The following NISCH variants were observed in gnomAD, a reference collection of about 807,000 sequenced individuals.
NISCH encodes the protein I-1 receptor candidate protein.
In NISCH, 55 loss-of-function variants were observed where a neutral mutation model predicts 138.4. The ratio of observed to expected loss-of-function variants is 0.40; its 90% CI spans 0.32 to 0.50. The LOEUF (loss-of-function observed/expected upper bound fraction) is 0.50, where lower values mean the gene tolerates loss of function less well. Ranked by LOEUF, NISCH falls within the 20% of genes least tolerant of loss-of-function variation. The pLI, the probability that NISCH is intolerant of heterozygous loss-of-function variation, is 0.71. For synonymous variants in NISCH, 860 were observed against 861.5 expected (o/e 1.00, Z 0.03); for missense variants, 1,643 against 2,005.5 (o/e 0.82, Z 3.45).
Position 52,473,796 on chromosome 3 carries a change from G to T in NISCH, c.732G>T (p.Thr244=), listed in dbSNP as rs756262536. Residue 244 remains threonine, a synonymous_variant, in exon 7 of 21, where the codon ACG becomes ACT. Transcript: ENST00000345716. The part of the protein sequence containing the change: ...GLVASKPTLA[T]LSVRFSATSM... ...TCGCATCGAAGCCCACCTTAGCCAC[G>T]CTGAGTGTCCGCTTCTCAGCAACCT... 6 of 1,609,832 alleles carry T rather than the reference G, an allele frequency of 3.7e-6. No individual in the cohort carries two copies. The highest frequency in any genetic ancestry group is 1.7e-5 in the Admixed American group (1 of 59,946).
rs41292364 is a variant in NISCH at position 52,479,882 on chromosome 3, G to A, written c.1416+20G>A. ...AAGAAGGTGGGTTTGTGTGGCAGGT[G>A]GGAGGGCAGTGGTGCAGAGCCAGCC... On this transcript the variant is annotated intron_variant, in intron 12 of 20. Transcript: ENST00000345716. 1.3e-6 allele frequency: 2 copies of A among 1,583,772 alleles called. No homozygotes were observed. The highest frequency in any genetic ancestry group is 2.7e-5 in the African/African-American group (2 of 74,234).
rs146374405 is a variant in NISCH, at chr3:52,487,533, G to A, written c.2041G>A (p.Glu681Lys). Residue 681 changes from glutamate to lysine, a missense_variant, in exon 16 of 21, where the codon GAA becomes AAA. Transcript: ENST00000345716. The surrounding 1 kb of genome is among the most constrained non-coding windows in gnomAD (Gnocchi z 9.1). ...GGAAGAGGAGGAGGAAGAGGAGGAT[G>A]AAGAGGCCGAGGAGGAGCGCCTGGC... Reference protein sequence around the residue: ...GEEEEEEEEDEEAEEERLALE... With the variant: ...GEEEEEEEEDKEAEEERLALE... The A allele has an allele frequency of 2.9e-4, 460 of 1,608,130 alleles. 1 individual carries two copies. The highest frequency in any genetic ancestry group is 3.5e-4 in the Non-Finnish European group (407 of 1,175,730).
intron 3 of NISCH, among the ~76,000 whole-genome samples, chr3:52,467,928 C>T (rs1706834009): frequency 6.6e-6 from 1 of 152,088 alleles, no homozygotes; most frequent in East Asian, 1.9e-4. Context: ...GATTTTTTTT[C>T]TCTGTGTTCT....
Position 52,480,193 on chromosome 3 carries a change from G to C in NISCH, c.1426G>C (p.Asp476His), listed in dbSNP as rs1220663667. The change falls in exon 13 of 21, where the codon GAC (aspartate) becomes CAC (histidine). Residue 476 changes from aspartate (D) to histidine (H), a missense_variant. By Grantham distance (81) the Asp-to-His change is moderately conservative. Coordinates refer to ENST00000345716, the MANE Select transcript of NISCH (RefSeq NM_007184.4). ...AAGCACTCGTCCTCAGGGTGGTGAA[G>C]ACTCCCGGCTCTCAGCTGCCCCCTG... The part of the protein sequence containing the change: ...LSNPEKKGGE[D>H]SRLSAAPCIR... The C allele has an allele frequency of 1.2e-6, 2 of 1,613,926 alleles. No individual in the cohort carries two copies. The highest frequency in any genetic ancestry group is 2.2e-5 in the South Asian group (2 of 91,076).
At chr3:52,491,280 G>T in intron 19 of NISCH, 72 bp from the exon 20 acceptor site, 7 of 1,530,176 alleles carry the variant, frequency 4.6e-6, no homozygotes, top group Non-Finnish European at 5.3e-6. Context: ...AGGGACTCGG[G>T]GTGGCTCTAA....
At chr3:52,478,359 C>T in intron 10 of NISCH, 77 bp downstream of exon 10, 1 of 1,605,896 alleles carries the variant, frequency 6.2e-7, no homozygotes, top group Non-Finnish European at 8.5e-7. Flanking sequence ...GTTAAGATTC[C>T]TTTCATTTAA....
chr3:52,472,475 A>C (rs6445486), intron 6 of NISCH, 77 bp downstream of exon 6: 1 of 1,285,320 alleles, frequency 7.8e-7, no homozygotes, highest in African/African-American at 1.5e-5. Flanking sequence ...TGGGTGTCCT[A>C]ATTTAATCAT....
In NISCH at chr3:52,478,143, C is replaced by T. The variant is rs980590823; in HGVS notation, c.1034C>T (p.Ser345Phe). ...CTGGACCTGTCCTACAACAAGCTCT[C>T]CTCCTTGGAAGGGCTTCACACCAAG... The part of the protein sequence containing the change: ...VHLDLSYNKL[S>F]SLEGLHTKLG... Residue 345 changes from serine to phenylalanine, a missense_variant, in exon 10 of 21, where the codon TCC becomes TTC. Physicochemically the swap from Ser to Phe is radical, Grantham distance 155. Coordinates refer to ENST00000345716, the MANE Select transcript of NISCH (RefSeq NM_007184.4). 2 of 1,614,134 alleles carry T rather than the reference C, an allele frequency of 1.2e-6. No homozygotes were observed. The highest frequency in any genetic ancestry group is 2.2e-5 in the East Asian group (1 of 44,886).
Position 52,488,600 on chromosome 3 carries a change from G to A in NISCH, c.3108G>A (p.Arg1036=), listed in dbSNP as rs751455049. 8 of 1,607,620 alleles carry A rather than the reference G, an allele frequency of 5.0e-6. No homozygotes were observed. In the African/African-American group the frequency reaches 9.4e-5, roughly 19 times the overall value. ...SFADGQPAER[R]ASNDQRPQEV... ...CGGATGGCCAGCCTGCCGAGCGCAGGGCCAGGTGAGATCAAGCACAGCTCT... is the reference window on the plus strand; with the variant it reads ...CGGATGGCCAGCCTGCCGAGCGCAGAGCCAGGTGAGATCAAGCACAGCTCT... The change falls in exon 16 of 21, where the codon AGG becomes AGA. Residue 1036 remains arginine (R), a synonymous_variant. Coordinates refer to ENST00000345716, the MANE Select transcript of NISCH (RefSeq NM_007184.4).
At chr3:52,461,494 T>A (rs1297950248) in intron 3 of NISCH, among the ~76,000 whole-genome samples, 1 of 152,198 alleles carries the variant, frequency 6.6e-6, no homozygotes, top group Non-Finnish European at 1.5e-5. Context: ...TTTTATACTT[T>A]CTTATGTGAG....
chr3:52,461,100 C>T (rs145844174), intron 3 of NISCH, among the ~76,000 whole-genome samples: 35 of 152,234 alleles, frequency 2.3e-4, no homozygotes, highest in African/African-American at 7.2e-4. Context: ...ATTAGCTGCG[C>T]GTGGTGACTC....
intron 13 of NISCH, among the ~76,000 whole-genome samples, chr3:52,483,534 G>A (rs192239314): frequency 6.6e-6 from 1 of 152,378 alleles, no homozygotes; most frequent in Non-Finnish European, 1.5e-5. Context: ...AACAGCTTCA[G>A]CGGGGTTTAG....
intron 13 of NISCH, 51 bp from the exon 14 acceptor site, chr3:52,484,462 T>TTGCCCCCCC: frequency 2.7e-5 from 21 of 788,668 alleles, no homozygotes; most frequent in Non-Finnish European, 3.5e-5. Flanking sequence ...ACAGCCGCTC[T>TTGCCCCCCC]CCCCGCCCCA....
intron 13 of NISCH, among the ~76,000 whole-genome samples, chr3:52,483,304 G>C (rs898279707): frequency 1.3e-5 from 2 of 152,184 alleles, no homozygotes; most frequent in African/African-American, 4.8e-5. Flanking sequence ...GTCTCGACCT[G>C]TGGGGCTCAG....
chr3:52,455,632 A>G lies in NISCH; in HGVS notation c.-10A>G. 1.5e-6 allele frequency: 2 copies of G among 1,325,760 alleles called. No individual in the cohort carries two copies. The highest frequency in any genetic ancestry group is 1.9e-6 in the Non-Finnish European group (2 of 1,030,200). The allele number at this position is 1,325,760 out of a possible 1,614,324, so 82.1% of individuals were successfully genotyped here. A position where few individuals can be genotyped will look rare whatever the true frequency, so the allele number is the denominator to read the frequency against. The stretch of plus-strand genomic sequence containing the variant: ...CTGCGCCGGGCGGCGGTGGCGGCGG[A>G]GACCCGAACATGGCGACCGCGCGCA... On this transcript the variant is annotated 5_prime_UTR_variant, in exon 1 of 21. Transcript: ENST00000345716.
intron 3 of NISCH, chr3:52,470,476 A>G (rs1706913564): frequency 4.9e-6 from 1 of 205,660 alleles, no homozygotes; most frequent in Non-Finnish European, 9.7e-6. Context: ...CAGAAAAAAC[A>G]GGACTTTTCT....
Position 52,492,394 on chromosome 3 carries a change from C to T in NISCH, c.4427C>T (p.Ala1476Val). 1 of 1,613,066 alleles carries T rather than the reference C, an allele frequency of 6.2e-7. No homozygotes were observed. The highest frequency in any genetic ancestry group is 8.5e-7 in the Non-Finnish European group (1 of 1,180,016). ...EVQWQVFVPS[A>V]ESREKLISLL... ...CAGTGGCAGGTGTTTGTCCCCAGTG[C>T]TGAGAGCAGAGAGAAGCTCATCTCG... Residue 1476 changes from alanine to valine, a missense_variant, in exon 21 of 21, where the codon GCT becomes GTT. Transcript: ENST00000345716.
intron 3 of NISCH, among the ~76,000 whole-genome samples, chr3:52,462,872 G>A (rs1330692842): frequency 6.6e-6 from 1 of 152,120 alleles, no homozygotes; most frequent in Non-Finnish European, 1.5e-5. Context: ...GCTTGACCTC[G>A]TGATCCACCT....
At position 52,487,064 on chromosome 3, in the gene NISCH, A is replaced by G. The variant is rs574641959; in HGVS notation, c.1704-132A>G. The G allele has an allele frequency of 3.0e-6, 3 of 1,009,516 alleles. No homozygotes were observed. In the South Asian group the frequency reaches 4.9e-5, roughly 16 times the overall value. The allele number at this position is 1,009,516 out of a possible 1,614,324, so 62.5% of individuals were successfully genotyped here. On this transcript the variant is annotated intron_variant, in intron 15 of 20. Coordinates refer to ENST00000345716, the MANE Select transcript of NISCH (RefSeq NM_007184.4). This position sits in a 1 kb window ranked among gnomAD's most constrained non-coding sequence, Gnocchi z 9.1. ...CCTCATCCTGGGAACTGACTTGGCC[A>G]TGTGGGAGGCTTGGGAGACCCATGG...
Sources: allele counts gnomAD v4.1 joint callset (sites outside exome capture counted in the v4.1 genomes callset), GRCh38; gene constraint gnomAD v4.1.1; non-coding constraint Gnocchi (gnomAD v3.1); transcripts MANE v1.5; gene names NCBI Gene and HGNC (gene_info 2026-07-23, HGNC 2026-07-21).